The following NEK2 variants were observed in gnomAD, a reference collection of about 807,000 sequenced individuals.
NEK2 encodes NIMA related kinase 2, also known as serine/threonine-protein kinase Nek2.
In NEK2, 28 loss-of-function variants were observed where a neutral mutation model predicts 54.1. The ratio of observed to expected loss-of-function variants is 0.52; its 90% CI spans 0.38 to 0.71. The LOEUF (loss-of-function observed/expected upper bound fraction) is 0.71. Among genes scored for constraint, NEK2 ranks in the 30% least tolerant of loss-of-function variants. NEK2 has a pLI of 0.00. For synonymous variants in NEK2, 176 were observed against 193.1 expected, an observed-to-expected ratio of 0.91 and a Z score of 0.73; for missense variants, 407 against 531.5, an observed-to-expected ratio of 0.77 and a Z score of 2.30.
chr1:211,661,574 A>G (rs10158315), downstream of NEK2, among the ~76,000 whole-genome samples: 2,581 of 152,364 alleles, frequency 0.017, 78 homozygotes, highest in African/African-American at 0.057. Context: ...CAACAGGGGC[A>G]TGAATCATGT....
chr1:211,663,049 AC>A lies in NEK2; in HGVS notation c.*376del. The A allele has an allele frequency of 9.9e-7, 1 of 1,005,910 alleles. No individual in the cohort carries two copies. The highest frequency in any genetic ancestry group is 1.2e-6 in the Non-Finnish European group (1 of 841,602). 62.3% of individuals were successfully genotyped at this position (1,005,910 alleles called of 1,614,324 possible). A position where few individuals can be genotyped will look rare whatever the true frequency, so the allele number is the denominator to read the frequency against. Reference sequence around the variant, plus strand: ...ATCTAGACATGACAATTGTAAGCATACCACTCAGTCATTTAAAACTATTCAG... The same window carrying A: ...ATCTAGACATGACAATTGTAAGCATACACTCAGTCATTTAAAACTATTCAG... On this transcript the variant is annotated 3_prime_UTR_variant, in exon 8 of 8. Coordinates refer to ENST00000366999, the MANE Select transcript of NEK2 (RefSeq NM_002497.4).
rs1046774733 is a variant in NEK2, at chr1:211,667,311, T to C, written c.986-80A>G. 68 of 1,381,392 alleles carry C rather than the reference T, an allele frequency of 4.9e-5. 1 individual carries two copies. The East Asian group carries it at 1.4e-3, about 28-fold the overall frequency. 85.6% of individuals were successfully genotyped at this position (1,381,392 alleles called of 1,614,324 possible). The stretch of plus-strand genomic sequence containing the variant: ...AAACAATTTACATTTGGCAATCTTA[T>C]CACTACTAGCATGCCTGATACTGAT... On this transcript the variant is annotated intron_variant, in intron 6 of 7. Transcript: ENST00000366999.
intron 4 of NEK2, among the ~76,000 whole-genome samples, chr1:211,670,802 T>TGAAAAGAAGAACAAAGGAAAA (rs147572073): frequency 0.25 from 37,344 of 151,704 alleles, 5,110 homozygotes; most frequent in East Asian, 0.46. Flanking sequence ...GGAAAGAAAA[T>TGAAAAGAAGAACAAAGGAAAA]GAAAAGAAGA....
chr1:211,661,028 T>A (rs1337448331), downstream of NEK2: 1 of 739,852 alleles, frequency 1.4e-6, no homozygotes, highest in South Asian at 1.4e-5. Context: ...GCATCCTGTT[T>A]CCTTGGCTCC....
chr1:211,673,514 G>A lies in NEK2; in HGVS notation c.524C>T (p.Thr175Ile), dbSNP rs777421680. ...CATGTAATAAGGTGTGCCAACAAAT[G>A]TTTTTGCAAAACTCGTGTCATGGTT... is the stretch of plus-strand genomic sequence containing the variant. ...ILNHDTSFAK[T>I]FVGTPYYMSP... The change falls in exon 3 of 8, where the codon ACA (threonine) becomes ATA (isoleucine). Residue 175 changes from threonine to isoleucine, a missense_variant. Physicochemically the swap from Thr to Ile is moderately conservative, Grantham distance 89. Transcript: ENST00000366999. The A allele has an allele frequency of 6.8e-6, 11 of 1,613,878 alleles. No individual in the cohort carries two copies. Among genetic ancestry groups the A allele is most frequent in the Non-Finnish European group, 3.4e-6 (4 of 1,179,884 alleles).
downstream of NEK2, chr1:211,658,830 T>A (rs985356071): frequency 1.1e-5 from 3 of 261,150 alleles, no homozygotes; most frequent in African/African-American, 7.0e-5. Context: ...CACCCAGTTT[T>A]ATGCCTTTGG....
At chr1:211,669,910 C>T (rs980298233) in intron 5 of NEK2, among the ~76,000 whole-genome samples, 2 of 152,208 alleles carry the variant, frequency 1.3e-5, no homozygotes, top group African/African-American at 4.8e-5. Context: ...GGTCTTTAAT[C>T]TCTCAATTAG....
At chr1:211,664,693 C>T (rs1442275934) in intron 7 of NEK2, among the ~76,000 whole-genome samples, 2 of 152,256 alleles carry the variant, frequency 1.3e-5, no homozygotes, top group African/African-American at 4.8e-5. Flanking sequence ...CTTCATACGT[C>T]GCTTCTGCTT....
intron 7 of NEK2, 137 bp from the exon 8 acceptor site, chr1:211,663,789 AG>A: frequency 1.2e-6 from 1 of 810,240 alleles, no homozygotes; most frequent in Non-Finnish European, 1.9e-6. Context: ...TCTCTGGGAT[AG>A]GAGGTTAGGG....
In NEK2 at chr1:211,673,344, G is replaced by A. The variant is rs1026216045; in HGVS notation, c.555+139C>T. 5.2e-6 allele frequency: 5 copies of A among 968,000 alleles called. No individual in the cohort carries two copies. The East Asian group carries it at 8.0e-5, about 16-fold the overall frequency. 60.0% of individuals were successfully genotyped at this position (968,000 alleles called of 1,614,324 possible). ...CAGGAGAATCCTTTGAACCTGGGAG[G>A]CAGAGATTGCAGTGAGCCCAGATCG... On this transcript the variant is annotated intron_variant, in intron 3 of 7. Coordinates refer to ENST00000366999, the MANE Select transcript of NEK2 (RefSeq NM_002497.4).
chr1:211,662,566 GAGGAGCAAAATCACCCTGTTA>G (rs1655042355), downstream of NEK2, among the ~76,000 whole-genome samples: 1 of 152,156 alleles, frequency 6.6e-6, no homozygotes, highest in African/African-American at 2.4e-5. This position sits in a 1 kb window ranked among gnomAD's most constrained non-coding sequence, Gnocchi z 4.2. Flanking sequence ...AACGTCTCTT[GAGGAGCAAAATCACCCTGTTA>G]AGGACCACTG....
At chr1:211,668,345 A>G (rs1163503713) in intron 6 of NEK2, among the ~76,000 whole-genome samples, 1 of 152,234 alleles carries the variant, frequency 6.6e-6, no homozygotes, top group Non-Finnish European at 1.5e-5. Flanking sequence ...GCTTGCGAGT[A>G]GCTCTCATCT....
In NEK2 at chr1:211,670,264, C is replaced by T. The variant is rs755796481; in HGVS notation, c.765+17G>A. The T allele has an allele frequency of 2.5e-6, 4 of 1,602,016 alleles. No homozygotes were observed. Among genetic ancestry groups the T allele is most frequent in the South Asian group, 1.1e-5 (1 of 89,596 alleles). On this transcript the variant is annotated intron_variant, in intron 5 of 7. Coordinates refer to ENST00000366999, the MANE Select transcript of NEK2 (RefSeq NM_002497.4). ...TGACAGCTAGAAACAGACAATATAT[C>T]ATCTTATCATCTTTACCTTTAAGTT...
intron 7 of NEK2, among the ~76,000 whole-genome samples, chr1:211,664,940 T>C (rs1655131994): frequency 6.6e-6 from 1 of 152,236 alleles, no homozygotes; most frequent in Admixed American, 6.5e-5. Flanking sequence ...TCGGCTTAAG[T>C]GATCTTCCTG....
chr1:211,665,044 T>G (rs929382392), intron 7 of NEK2, among the ~76,000 whole-genome samples: 3 of 152,232 alleles, frequency 2.0e-5, no homozygotes, highest in Non-Finnish European at 4.4e-5. Context: ...TTAAAAACAT[T>G]TTTAAAATTC....
chr1:211,659,105 A>G (rs1349200968), downstream of NEK2, among the ~76,000 whole-genome samples: 1 of 152,238 alleles, frequency 6.6e-6, no homozygotes, highest in Non-Finnish European at 1.5e-5. Flanking sequence ...AGAACTTTCT[A>G]AGTCTCTACA....
At chr1:211,660,562 A>T, downstream of NEK2, 1 of 635,502 alleles carries the variant, frequency 1.6e-6, no homozygotes, top group East Asian at 3.8e-5. Flanking sequence ...CATCTCCAGC[A>T]GGATCTTCTT....
At chr1:211,671,424 A>C in intron 3 of NEK2, 140 bp from the exon 4 acceptor site, 1 of 611,306 alleles carries the variant, frequency 1.6e-6, no homozygotes, top group Non-Finnish European at 2.9e-6. Flanking sequence ...TGAAATTTAT[A>C]ATGGAAAAAA....
chr1:211,672,486 G>A (rs1403376162), intron 3 of NEK2, among the ~76,000 whole-genome samples: 2 of 152,050 alleles, frequency 1.3e-5, no homozygotes, highest in Admixed American at 1.3e-4. Context: ...AAAATAAAAT[G>A]TACAAAAAGT....
Sources: allele counts gnomAD v4.1 joint callset (sites outside exome capture counted in the v4.1 genomes callset), GRCh38; gene constraint gnomAD v4.1.1; non-coding constraint Gnocchi (gnomAD v3.1); transcripts MANE v1.5; gene names NCBI Gene and HGNC (gene_info 2026-07-23, HGNC 2026-07-21).